The following KIAA1671 variants were observed in gnomAD, a reference collection of about 807,000 sequenced individuals.
KIAA1671 encodes uncharacterized protein KIAA1671.
A neutral mutation model predicts 131.2 loss-of-function variants in KIAA1671; 52 were observed. The ratio of observed to expected loss-of-function variants is 0.40; its 90% CI spans 0.32 to 0.50. The LOEUF (loss-of-function observed/expected upper bound fraction) is 0.50. KIAA1671 is among the 20% of genes least tolerant of loss of function. The pLI, the probability that KIAA1671 is intolerant of heterozygous loss-of-function variation, is 0.73. For synonymous variants in KIAA1671, 1,003 were observed against 961.6 expected, an observed-to-expected ratio of 1.04 and a Z score of -0.80; for missense variants, 2,360 against 2,364.2, an observed-to-expected ratio of 1.00 and a Z score of 0.04.
intron 1 of KIAA1671, among the ~76,000 whole-genome samples, chr22:25,000,184 GTTTTTTTTTTTT>G (rs1184771280): frequency 3.2e-5 from 2 of 62,166 alleles, no homozygotes; most frequent in East Asian, 6.4e-4. Context: ...CTCCTCGCCT[GTTTTTTTTTTTT>G]TTTTTTTTTT....
At chr22:24,971,782 G>T (rs531655525) in intron 1 of KIAA1671, among the ~76,000 whole-genome samples, 1 of 152,102 alleles carries the variant, frequency 6.6e-6, no homozygotes, top group Non-Finnish European at 1.5e-5. Flanking sequence ...AGGGTTGGGG[G>T]GTTACCTGGG....
At position 25,197,262 on chromosome 22, in the gene KIAA1671, C is replaced by T. The variant is rs1262963508; in HGVS notation, c.*4861C>T. 6.6e-6 allele frequency: 1 copy of T among 152,196 alleles called. No individual in the cohort carries two copies. Among genetic ancestry groups the T allele is most frequent in the East Asian group, 1.9e-4 (1 of 5,196 alleles). The allele number at this position is 152,196 out of a possible 1,614,324, so 9.4% of individuals were successfully genotyped here. A position where few individuals can be genotyped will look rare whatever the true frequency, so the allele number is the denominator to read the frequency against. On this transcript the variant is annotated 3_prime_UTR_variant, in exon 13 of 13. Coordinates refer to ENST00000358431, the MANE Select transcript of KIAA1671 (RefSeq NM_001145206.2). Reference sequence around the variant, plus strand: ...AAAACAAATGGGGCTTACCAGACCTCACAGAGTATTGGACGTCTACAAGTG... The same window carrying T: ...AAAACAAATGGGGCTTACCAGACCTTACAGAGTATTGGACGTCTACAAGTG...
intron 6 of KIAA1671, among the ~76,000 whole-genome samples, chr22:25,117,585 C>CCCCACACA (rs1382744137): frequency 8.1e-6 from 1 of 123,836 alleles, no homozygotes; most frequent in African/African-American, 3.2e-5. Flanking sequence ...TCTCCCCCAA[C>CCCCACACA]CACACACACA....
rs71191028 is a variant in KIAA1671, at chr22:25,093,768, GTCTCTCTC to G, written c.4530+44440_4530+44447del. ...TCTCTCTCTCTCTCTCTCTCTCTCT[GTCTCTCTC>G]TCTCTCTCTCTCTCTCTCTCTCTCT... On this transcript the variant is annotated intron_variant, in intron 6 of 12. Coordinates refer to ENST00000358431, the MANE Select transcript of KIAA1671 (RefSeq NM_001145206.2). Among the ~76,000 whole-genome samples, 183 of 60,734 alleles carry G rather than the reference GTCTCTCTC, an allele frequency of 3.0e-3. 4 individuals carry two copies. Among genetic ancestry groups the G allele is most frequent in the East Asian group, 7.6e-3 (18 of 2,358 alleles). The allele number at this position is 60,734 out of a possible 152,430, so 39.8% of individuals were successfully genotyped here. A position where few individuals can be genotyped will look rare whatever the true frequency, so the allele number is the denominator to read the frequency against.
intron 6 of KIAA1671, among the ~76,000 whole-genome samples, chr22:25,148,239 C>T (rs1357723033): frequency 1.3e-5 from 2 of 150,834 alleles, no homozygotes; most frequent in East Asian, 3.9e-4. Context: ...AGTCCTGGCA[C>T]CCCCCTCAGT....
intron 1 of KIAA1671, among the ~76,000 whole-genome samples, chr22:24,997,991 C>G (rs1409853927): frequency 6.6e-6 from 1 of 152,170 alleles, no homozygotes; most frequent in Non-Finnish European, 1.5e-5. Flanking sequence ...GCTTGTTTTG[C>G]AAACCTTAAT....
chr22:25,089,104 C>T (rs1299429452), intron 6 of KIAA1671, among the ~76,000 whole-genome samples: 1 of 151,960 alleles, frequency 6.6e-6, no homozygotes, highest in African/African-American at 2.4e-5. Context: ...GTATAAGAAA[C>T]CTAGAGATGA....
In KIAA1671 at chr22:25,170,953, A is replaced by G; in HGVS notation, c.4649+15A>G. On this transcript the variant is annotated intron_variant, in intron 7 of 12. Coordinates refer to ENST00000358431, the MANE Select transcript of KIAA1671 (RefSeq NM_001145206.2). ...AGTGGGGAGAGGTAGGACGCGTGCGACGGGATTCTGGCTGCAAAGGGGGCA... is the reference window on the plus strand; with the variant it reads ...AGTGGGGAGAGGTAGGACGCGTGCGGCGGGATTCTGGCTGCAAAGGGGGCA... 3 of 1,549,638 alleles carry G rather than the reference A, an allele frequency of 1.9e-6. No homozygotes were observed. Among genetic ancestry groups the G allele is most frequent in the Non-Finnish European group, 1.7e-6 (2 of 1,145,284 alleles).
intron 1 of KIAA1671, among the ~76,000 whole-genome samples, chr22:24,964,653 T>G (rs1332298608): frequency 6.6e-6 from 1 of 152,128 alleles, no homozygotes; most frequent in Non-Finnish European, 1.5e-5. Context: ...GAACTCCTAG[T>G]CTCAAGTGAT....
intron 6 of KIAA1671, among the ~76,000 whole-genome samples, chr22:25,134,872 T>C (rs1932603941): frequency 6.6e-6 from 1 of 152,156 alleles, no homozygotes; most frequent in Non-Finnish European, 1.5e-5. Flanking sequence ...GATAATAATA[T>C]ACAGGCAGAC....
At chr22:25,169,069 T>C (rs1280910636) in intron 6 of KIAA1671, among the ~76,000 whole-genome samples, 1 of 152,078 alleles carries the variant, frequency 6.6e-6, no homozygotes, top group Non-Finnish European at 1.5e-5. Flanking sequence ...CGTTTGTCTT[T>C]CTGGGCCAGT....
intron 7 of KIAA1671, among the ~76,000 whole-genome samples, chr22:25,173,068 T>C (rs1020216147): frequency 5.6e-4 from 85 of 152,264 alleles, no homozygotes; most frequent in African/African-American, 1.9e-3. Context: ...CTTACAATCA[T>C]GGCGGAAGGT....
intron 11 of KIAA1671, among the ~76,000 whole-genome samples, chr22:25,188,729 A>G (rs1381700070): frequency 6.6e-6 from 1 of 152,162 alleles, no homozygotes; most frequent in African/African-American, 2.4e-5. Flanking sequence ...GGAAGAGAAA[A>G]TATATTTCCT....
intron 1 of KIAA1671, among the ~76,000 whole-genome samples, chr22:24,999,320 A>C (rs1924310132): frequency 6.6e-6 from 1 of 151,768 alleles, no homozygotes; most frequent in African/African-American, 2.4e-5. Flanking sequence ...CTGCAGCCTC[A>C]ACCTCCTGGG....
chr22:24,972,271 TA>T (rs1922658788), intron 1 of KIAA1671, among the ~76,000 whole-genome samples: 2 of 152,232 alleles, frequency 1.3e-5, no homozygotes, highest in Admixed American at 1.3e-4. Context: ...TGGTTTACCT[TA>T]TTTCACTGCT....
At chr22:25,001,201 A>G (rs62233172) in intron 1 of KIAA1671, among the ~76,000 whole-genome samples, 1 of 120,630 alleles carries the variant, frequency 8.3e-6, no homozygotes, top group East Asian at 2.6e-4. Flanking sequence ...ATATGTGTGT[A>G]TGTGTATGTA....
At position 25,185,120 on chromosome 22, in the gene KIAA1671, G is replaced by GTGA. The variant is rs750252990; in HGVS notation, c.5342+2_5342+4dup. 99 of 1,547,144 alleles carry GTGA rather than the reference G, an allele frequency of 6.4e-5. 1 individual carries two copies. In the South Asian group the frequency reaches 1.0e-3, roughly 16 times the overall value. ...CTTCCAGCATGGACAAGGATGAGAG[G>GTGA]TGAGGGGTCTTGGGGAATGGGGGTC... On this transcript the variant is annotated splice_donor_variant, in intron 11 of 12. Coordinates refer to ENST00000358431, the MANE Select transcript of KIAA1671 (RefSeq NM_001145206.2). LOFTEE classifies it high-confidence loss of function.
intron 4 of KIAA1671, among the ~76,000 whole-genome samples, chr22:25,034,345 C>T (rs1359539554): frequency 6.6e-6 from 1 of 152,130 alleles, no homozygotes; most frequent in African/African-American, 2.4e-5. Context: ...CACACCCGGC[C>T]ACGACGTTGT....
At chr22:25,010,875 C>T (rs1312886450) in intron 1 of KIAA1671, 1 of 152,182 alleles carries the variant, frequency 6.6e-6, no homozygotes, top group African/African-American at 2.4e-5. Context: ...TGTCACTATC[C>T]TTAAATTGGC....
Sources: gnomAD v4.1 joint callset for allele counts (sites outside exome capture counted in the v4.1 genomes callset) on GRCh38, gnomAD v4.1.1 for gene constraint, MANE v1.5 for transcripts, NCBI Gene and HGNC (gene_info 2026-07-23, HGNC 2026-07-21) for gene names.